The following USP34 variants were observed in gnomAD, a reference collection of about 807,000 sequenced individuals.
USP34 encodes ubiquitin specific peptidase 34.
In USP34, 70 loss-of-function variants were observed where a neutral mutation model predicts 460.3. The ratio of observed to expected loss-of-function variants is 0.15; its 90% CI spans 0.13 to 0.19. The LOEUF is 0.19. Among genes scored for constraint, USP34 ranks in the 10% least tolerant of loss-of-function variants. USP34 has a pLI of 1.00. For missense variants in USP34, 3,985 were observed against 4,236.2 expected (o/e 0.94, Z 1.65); for synonymous variants, 1,647 against 1,405.3 (o/e 1.17, Z -3.85).
At chr2:61,290,120 T>C (rs1208342655) in intron 33 of USP34, among the ~76,000 whole-genome samples, 1 of 152,072 alleles carries the variant, frequency 6.6e-6, no homozygotes, top group Non-Finnish European at 1.5e-5. Flanking sequence ...TCATTAGCAA[T>C]GAAGGAAGGA....
chr2:61,276,083 A>G (rs1017183046), intron 41 of USP34, among the ~76,000 whole-genome samples: 1 of 152,254 alleles, frequency 6.6e-6, no homozygotes, highest in African/African-American at 2.4e-5. Flanking sequence ...GTAAATGGAA[A>G]GAAACCCATT....
Position 61,211,824 on chromosome 2 carries a change from T to A in USP34, c.8788A>T (p.Ser2930Cys). The change falls in exon 69 of 80, where the codon AGT becomes TGT. Residue 2930 changes from serine to cysteine, a missense_variant. Ser to Cys is a moderately radical substitution (Grantham distance 112). Transcript: ENST00000398571. Reference protein sequence around the residue: ...DIKQFKKTTISCYLRCLDGRS... With the variant: ...DIKQFKKTTICCYLRCLDGRS... ...CCATCTAAGCAACGTAAGTAACAAC[T>A]TATGGTTGTTTTCTTGAACTGTTTA... is the stretch of plus-strand genomic sequence containing the variant. 2 of 1,607,492 alleles carry A rather than the reference T, an allele frequency of 1.2e-6. No individual in the cohort carries two copies. Among genetic ancestry groups the A allele is most frequent in the South Asian group, 2.2e-5 (2 of 89,658 alleles).
rs372389967 is a variant in USP34 at position 61,256,855 on chromosome 2, A to C, written c.6126+18T>G. 5 of 1,540,988 alleles carry C rather than the reference A, an allele frequency of 3.2e-6. No individual in the cohort carries two copies. Among genetic ancestry groups the C allele is most frequent in the Non-Finnish European group, 4.4e-6 (5 of 1,149,174 alleles). ...GGTAAAAGCATAAAGTAAAAAAATT[A>C]TGTGCATTATTACTCACATAAATGT... On this transcript the variant is annotated intron_variant, in intron 47 of 79. Transcript: ENST00000398571.
At chr2:61,440,909 T>C (rs1694946649) in intron 1 of USP34, among the ~76,000 whole-genome samples, 1 of 151,422 alleles carries the variant, frequency 6.6e-6, no homozygotes, top group Non-Finnish European at 1.5e-5. Context: ...GGGTGGATCA[T>C]GAGGTCAGGA....
At chr2:61,413,658 CA>C (rs1694110407) in intron 2 of USP34, among the ~76,000 whole-genome samples, 1 of 138,854 alleles carries the variant, frequency 7.2e-6, no homozygotes, top group Admixed American at 7.7e-5. Context: ...GACTCAGTCT[CA>C]AAAAAATTAA....
At chr2:61,330,474 G>A (rs941251902) in intron 20 of USP34, among the ~76,000 whole-genome samples, 3 of 152,188 alleles carry the variant, frequency 2.0e-5, no homozygotes, top group Non-Finnish European at 4.4e-5. Context: ...TTTATTTTTA[G>A]AAGTATGCAT....
chr2:61,331,455 T>TA (rs1355613244), intron 19 of USP34, 84 bp from the exon 20 acceptor site: 62 of 1,107,490 alleles, frequency 5.6e-5, no homozygotes, highest in Middle Eastern at 2.9e-4. Context: ...TATGCAAATC[T>TA]AAAAAAAATC....
chr2:61,392,344 G>A (rs768314311), intron 5 of USP34, among the ~76,000 whole-genome samples: 6 of 152,078 alleles, frequency 3.9e-5, no homozygotes, highest in Non-Finnish European at 4.4e-5. Context: ...GGCCGGGTGC[G>A]GTGGCTCAAG....
At chr2:61,219,632 C>T (rs1687500568) in intron 67 of USP34, among the ~76,000 whole-genome samples, 1 of 149,422 alleles carries the variant, frequency 6.7e-6, no homozygotes, top group Non-Finnish European at 1.5e-5. Context: ...GACTGCACCA[C>T]TGCACTCCAG....
intron 1 of USP34, among the ~76,000 whole-genome samples, chr2:61,461,864 T>C (rs540446250): frequency 3.3e-5 from 5 of 152,258 alleles, no homozygotes; most frequent in African/African-American, 1.2e-4. Context: ...AGTAGAAAGA[T>C]GTACATTTGC....
At chr2:61,317,575 GA>G in intron 23 of USP34, 78 bp downstream of exon 23, 2 of 1,284,146 alleles carry the variant, frequency 1.6e-6, no homozygotes, top group South Asian at 2.6e-5. Context: ...ATACTTTGTA[GA>G]AAAATAATTT....
chr2:61,212,467 T>C (rs1054543941), intron 68 of USP34, among the ~76,000 whole-genome samples: 6 of 152,214 alleles, frequency 3.9e-5, no homozygotes, highest in African/African-American at 1.4e-4. Flanking sequence ...CTTAAATTAA[T>C]AGTGTATATG....
rs753360964 is a variant in USP34 at position 61,232,508 on chromosome 2, C to T, written c.7057G>A (p.Asp2353Asn). The T allele has an allele frequency of 1.9e-6, 3 of 1,610,560 alleles. No homozygotes were observed. The highest frequency in any genetic ancestry group is 2.5e-6 in the Non-Finnish European group (3 of 1,179,208). ...CEWFLDRMAD[D>N]DWWPMQILIK... ...AGTATCTGCATTGGCCACCAGTCGTCATCAGCCATACGATCTAAAAACCAC... is the reference window on the plus strand; with the variant it reads ...AGTATCTGCATTGGCCACCAGTCGTTATCAGCCATACGATCTAAAAACCAC... The change falls in exon 58 of 80, where the codon GAC becomes AAC. Residue 2353 changes from aspartate to asparagine, a missense_variant. Coordinates refer to ENST00000398571, the MANE Select transcript of USP34 (RefSeq NM_014709.4).
chr2:61,467,238 G>A (rs1695797500), intron 1 of USP34, among the ~76,000 whole-genome samples: 2 of 152,192 alleles, frequency 1.3e-5, no homozygotes, highest in Admixed American at 6.5e-5. Context: ...GGGAGGCAGA[G>A]GTTGTAGTGA....
chr2:61,314,568 G>A lies in USP34; in HGVS notation c.3542+17C>T. On this transcript the variant is annotated intron_variant, in intron 25 of 79. Coordinates refer to ENST00000398571, the MANE Select transcript of USP34 (RefSeq NM_014709.4). ...AAAATGAAATTCATTCTAACAGTGT[G>A]ATATTTTAAAAATTACCTTCTCCTA... The A allele has an allele frequency of 6.8e-7, 1 of 1,466,424 alleles. No homozygotes were observed. The highest frequency in any genetic ancestry group is 9.0e-7 in the Non-Finnish European group (1 of 1,110,206). 90.8% of individuals were successfully genotyped at this position (1,466,424 alleles called of 1,614,324 possible).
At chr2:61,294,513 G>T (rs1441875419) in intron 32 of USP34, among the ~76,000 whole-genome samples, 1 of 151,876 alleles carries the variant, frequency 6.6e-6, no homozygotes, top group Non-Finnish European at 1.5e-5. Context: ...CCACCTCCTG[G>T]GTTCAAGTGA....
At chr2:61,313,911 CTT>C (rs768915149) in intron 25 of USP34, among the ~76,000 whole-genome samples, 6 of 151,992 alleles carry the variant, frequency 3.9e-5, no homozygotes, top group East Asian at 1.9e-4. Flanking sequence ...AAGTTACTAA[CTT>C]TAACAATTTT....
chr2:61,221,480 A>T lies in USP34; in HGVS notation c.7899+22T>A, dbSNP rs1418083148. On this transcript the variant is annotated intron_variant, in intron 66 of 79. Coordinates refer to ENST00000398571, the MANE Select transcript of USP34 (RefSeq NM_014709.4). ...AAATCCTCAGGAAAATAAACATTGAAAACACCTGCTGCAAGACTTACCTCC... is the reference window on the plus strand; with the variant it reads ...AAATCCTCAGGAAAATAAACATTGATAACACCTGCTGCAAGACTTACCTCC... 1.9e-6 allele frequency: 3 copies of T among 1,589,976 alleles called. No individual in the cohort carries two copies. In the Admixed American group the frequency reaches 5.4e-5, roughly 29 times the overall value.
At chr2:61,326,137 TGGTGAGTGGG>T (rs1338907427) in intron 20 of USP34, among the ~76,000 whole-genome samples, 1 of 151,632 alleles carries the variant, frequency 6.6e-6, no homozygotes, top group Admixed American at 6.6e-5. Context: ...GGAAGAGTGC[TGGTGAGTGGG>T]GGTGAGGGGA....
Sources: gnomAD v4.1 joint callset for allele counts (sites outside exome capture counted in the v4.1 genomes callset) on GRCh38, gnomAD v4.1.1 for gene constraint, MANE v1.5 for transcripts, NCBI Gene and HGNC (gene_info 2026-07-23, HGNC 2026-07-21) for gene names.